Variants in CCDC141 observed in about 807,000 individuals in gnomAD.
CCDC141 encodes coiled-coil domain-containing protein 141.
In CCDC141, 168 loss-of-function variants were observed where a neutral mutation model predicts 181.0. That is an observed-to-expected ratio of 0.93 (90% CI 0.82 to 1.05). CCDC141 has a LOEUF of 1.05. CCDC141 is among the 50% of genes least tolerant of loss of function. CCDC141 has a pLI of 0.00. For missense variants in CCDC141, 1,902 were observed against 1,788.5 expected (o/e 1.06, Z -1.14); for synonymous variants, 666 against 642.3 (o/e 1.04, Z -0.56).
At chr2:179,015,497 C>T (rs62647559) in intron 2 of CCDC141, among the ~76,000 whole-genome samples, 6,209 of 38,500 alleles carry the variant, frequency 0.16, 656 homozygotes, top group Middle Eastern at 0.23. Context: ...CATATATGTG[C>T]CATATATATC....
rs77184699 is a variant in CCDC141, at chr2:178,892,513, C to T, written c.1266-3845G>A. On this transcript the variant is annotated intron_variant, in intron 8 of 23. Coordinates refer to ENST00000443758, the MANE Select transcript of CCDC141 (RefSeq NM_173648.4). ...CCCAGTCCTAGGGCTTTTTCTATTCCTTCTTAGTGACACCCTAATCTGCGG... is the reference window on the plus strand; with the variant it reads ...CCCAGTCCTAGGGCTTTTTCTATTCTTTCTTAGTGACACCCTAATCTGCGG... Among the ~76,000 whole-genome samples the T allele has an allele frequency of 3.3e-3, 508 of 152,148 alleles. 5 individuals are homozygous for T. Among genetic ancestry groups the T allele is most frequent in the African/African-American group, 0.012 (492 of 41,510 alleles).
At chr2:179,035,446 C>T (rs922024548) in intron 2 of CCDC141, among the ~76,000 whole-genome samples, 2 of 152,130 alleles carry the variant, frequency 1.3e-5, no homozygotes, top group African/African-American at 4.8e-5. Context: ...CTGTGTAACA[C>T]ACCACCCCAA....
rs1260982148 is a variant in CCDC141 at position 178,918,790 on chromosome 2, CT to C, written c.1014del (p.Glu339LysfsTer14). ...TCCACCATGAGTTGACCAAATTCTT[CT>C]TGAAGCTGACTGAGTTTCTGGTGAG... is the stretch of plus-strand genomic sequence containing the variant. ...QLSHQKLSQL[Q>X]EEFGQLMVER... On this transcript the variant is annotated frameshift_variant, in exon 7 of 24. Coordinates refer to ENST00000443758, the MANE Select transcript of CCDC141 (RefSeq NM_173648.4). LOFTEE classifies it high-confidence loss of function. 8 of 1,550,482 alleles carry C rather than the reference CT, an allele frequency of 5.2e-6. No individual in the cohort carries two copies. The Admixed American group carries it at 1.4e-4, about 27-fold the overall frequency.
chr2:178,886,654 A>C, intron 10 of CCDC141, 98 bp downstream of exon 10: 4 of 753,598 alleles, frequency 5.3e-6, no homozygotes. Context: ...TAGAATTGTA[A>C]ACCTCAAGTG....
chr2:178,950,912 TCA>T (rs1689927799), intron 5 of CCDC141, among the ~76,000 whole-genome samples: 3 of 152,194 alleles, frequency 2.0e-5, no homozygotes, highest in Admixed American at 2.0e-4. Flanking sequence ...ATTTCTCTTC[TCA>T]CGTCTATATT....
At chr2:178,961,544 T>C in intron 4 of CCDC141, 61 bp from the exon 5 acceptor site, 1 of 1,191,838 alleles carries the variant, frequency 8.4e-7, no homozygotes, top group Non-Finnish European at 1.2e-6. Context: ...TACAGCAATA[T>C]TCAGACTCTT....
intron 6 of CCDC141, among the ~76,000 whole-genome samples, chr2:178,930,710 TA>T (rs1689068322): frequency 6.6e-6 from 1 of 152,062 alleles, no homozygotes; most frequent in Non-Finnish European, 1.5e-5. Context: ...AGAGAAAGAA[TA>T]TTTTTTTCCA....
At chr2:179,021,125 A>C (rs2042680595) in intron 2 of CCDC141, among the ~76,000 whole-genome samples, 1 of 152,208 alleles carries the variant, frequency 6.6e-6, no homozygotes. Flanking sequence ...TGGAAATTAC[A>C]TACTTCCTTT....
chr2:178,960,226 T>C (rs762670926), intron 5 of CCDC141, among the ~76,000 whole-genome samples: 8 of 152,184 alleles, frequency 5.3e-5, no homozygotes, highest in Non-Finnish European at 1.0e-4. Flanking sequence ...CACTGTCTTG[T>C]GGTCTAGCAT....
At chr2:178,815,537 T>C in the CCDC141 span, among the ~76,000 whole-genome samples, 6 of 151,986 alleles carry the variant, frequency 3.9e-5, no homozygotes, top group Non-Finnish European at 8.8e-5. Context: ...TGCTGATAGA[T>C]TGTGATTTGG....
chr2:178,857,447 T>C (rs1012763157), intron 17 of CCDC141, among the ~76,000 whole-genome samples: 1 of 152,208 alleles, frequency 6.6e-6, no homozygotes, highest in African/African-American at 2.4e-5. Context: ...GTGAGAGTTG[T>C]TGCTAATGAC....
At position 178,884,798 on chromosome 2, in the gene CCDC141, A is replaced by C. The variant is rs187997999; in HGVS notation, c.1719+103T>G. 97 of 808,826 alleles carry C rather than the reference A, an allele frequency of 1.2e-4. 1 individual carries two copies. In the East Asian group the frequency reaches 2.3e-3, roughly 19 times the overall value. 50.1% of individuals were successfully genotyped at this position (808,826 alleles called of 1,614,324 possible). On this transcript the variant is annotated intron_variant, in intron 11 of 23. Transcript: ENST00000443758. ...TAAGTGAGCCCACGCACAGGGGTAGAGGATATGGACCTACCCACCAAGGCA... is the reference window on the plus strand; with the variant it reads ...TAAGTGAGCCCACGCACAGGGGTAGCGGATATGGACCTACCCACCAAGGCA...
rs1684907026 is a variant in CCDC141 at position 178,845,674 on chromosome 2, CT to C, written c.3425del (p.Lys1142ArgfsTer40). 6.2e-7 allele frequency: 1 copy of C among 1,612,306 alleles called. No individual in the cohort carries two copies. The highest frequency in any genetic ancestry group is 1.3e-5 in the African/African-American group (1 of 74,946). On this transcript the variant is annotated frameshift_variant, in exon 22 of 24. Coordinates refer to ENST00000443758, the MANE Select transcript of CCDC141 (RefSeq NM_173648.4). LOFTEE classifies it high-confidence loss of function. ...DFHYDYIDLLKEPAKNKQTIF... is the reference protein window; with the variant it reads ...DFHYDYIDLLXEPAKNKQTIF... Reference sequence around the variant, plus strand: ...TTGTCTGCTTATTTTTTGCTGGTTCCTTTAGCAAGTCAATGTAATCATAATG... The same window carrying C: ...TTGTCTGCTTATTTTTTGCTGGTTCCTTAGCAAGTCAATGTAATCATAATG...
chr2:179,022,958 T>C (rs149371391), intron 2 of CCDC141, among the ~76,000 whole-genome samples: 23 of 152,120 alleles, frequency 1.5e-4, no homozygotes, highest in Non-Finnish European at 7.4e-5. Context: ...ACGCGTACCA[T>C]CCCTATGACT....
chr2:178,890,318 C>T (rs1490630924), intron 8 of CCDC141, among the ~76,000 whole-genome samples: 2 of 152,082 alleles, frequency 1.3e-5, no homozygotes, highest in Non-Finnish European at 2.9e-5. Context: ...CCCCAAATGC[C>T]CTCAGTGTCT....
At chr2:178,955,563 G>A (rs1006034327) in intron 5 of CCDC141, among the ~76,000 whole-genome samples, 3 of 152,038 alleles carry the variant, frequency 2.0e-5, no homozygotes, top group Admixed American at 2.0e-4. Context: ...ATATGTTTAT[G>A]ATTTTTTTCA....
chr2:178,916,439 T>C (rs989950188), intron 7 of CCDC141, among the ~76,000 whole-genome samples: 5 of 151,822 alleles, frequency 3.3e-5, no homozygotes, highest in African/African-American at 1.2e-4. Flanking sequence ...AAAATACCAT[T>C]TATAAGCCAC....
Position 178,905,520 on chromosome 2 carries a change from T to C in CCDC141, c.1093-19A>G, listed in dbSNP as rs558728802. 2.0e-6 allele frequency: 3 copies of C among 1,533,698 alleles called. No individual in the cohort carries two copies. The highest frequency in any genetic ancestry group is 2.5e-5 in the East Asian group (1 of 40,694). On this transcript the variant is annotated intron_variant, in intron 7 of 23. Transcript: ENST00000443758. The stretch of plus-strand genomic sequence containing the variant: ...CAAATGCCTGCCAAAGAAAACATAC[T>C]TTTATTTTCTGCTTCTCTAGTTTAA...
intron 8 of CCDC141, among the ~76,000 whole-genome samples, chr2:178,896,143 T>A (rs1469510471): frequency 6.6e-6 from 1 of 152,204 alleles, no homozygotes; most frequent in Non-Finnish European, 1.5e-5. Flanking sequence ...AAGAAACTAT[T>A]ATGTGGCAGG....
Sources: gnomAD v4.1 joint callset for allele counts (sites outside exome capture counted in the v4.1 genomes callset) on GRCh38, gnomAD v4.1.1 for gene constraint, MANE v1.5 for transcripts, NCBI Gene and HGNC (gene_info 2026-07-23, HGNC 2026-07-21) for gene names.